SMIM7: variants seen among roughly 807,000 people sequenced by gnomAD.
SMIM7 encodes the protein small integral membrane protein 7.
In SMIM7, 12 loss-of-function variants were observed where a neutral mutation model predicts 13.3. That is an observed-to-expected ratio of 0.90 (90% CI 0.58 to 1.46). The LOEUF (loss-of-function observed/expected upper bound fraction) is 1.46. Among genes scored for constraint, SMIM7 ranks in the 40% most tolerant of loss-of-function variants. SMIM7 has a pLI of 0.00. For missense variants in SMIM7, 114 were observed against 94.8 expected (o/e 1.20, Z -0.84); for synonymous variants, 36 against 35.8 (o/e 1.01, Z -0.02).
exon 5 of SMIM7, chr19:16,630,828 T>C (rs1002876914): frequency 2.0e-5 from 3 of 152,248 alleles, no homozygotes; most frequent in African/African-American, 7.2e-5. Context: ...AGCCTCTGAA[T>C]TGTAGTCTTG....
At chr19:16,635,824 C>T (rs2086354532) in intron 4 of SMIM7, among the ~76,000 whole-genome samples, 1 of 142,468 alleles carries the variant, frequency 7.0e-6, no homozygotes, top group African/African-American at 2.7e-5. Context: ...GGAGAGGTTG[C>T]AATGGGCCCA....
chr19:16,632,153 C>T (rs1432170099), intron 4 of SMIM7, among the ~76,000 whole-genome samples: 2 of 152,164 alleles, frequency 1.3e-5, no homozygotes, highest in Non-Finnish European at 2.9e-5. Context: ...CAGGCATGAG[C>T]CACCACACCC....
intron 4 of SMIM7, among the ~76,000 whole-genome samples, chr19:16,638,298 TTTC>T (rs2086375895): frequency 1.4e-5 from 2 of 144,672 alleles, no homozygotes; most frequent in Non-Finnish European, 1.5e-5. Flanking sequence ...TCTTTTCTTT[TTTC>T]TTTTTTTTTT....
chr19:16,651,669 T>C (rs1361801341), intron 4 of SMIM7, among the ~76,000 whole-genome samples: 1 of 152,084 alleles, frequency 6.6e-6, no homozygotes, highest in Non-Finnish European at 1.5e-5. Context: ...CACTGACTTC[T>C]TCCCTGCCCC....
intron 4 of SMIM7, chr19:16,653,730 C>A (rs1268381301): frequency 5.5e-6 from 2 of 362,998 alleles, no homozygotes; most frequent in Non-Finnish European, 9.9e-6. Context: ...CCCGTCTCTA[C>A]TAAAAATACA....
At chr19:16,635,710 C>T (rs1282062398) in intron 4 of SMIM7, among the ~76,000 whole-genome samples, 1 of 151,484 alleles carries the variant, frequency 6.6e-6, no homozygotes, top group Admixed American at 6.6e-5. Flanking sequence ...GGTGAAATCC[C>T]ATCTCTAAGA....
At chr19:16,633,862 A>T (rs942777211) in intron 4 of SMIM7, 1 of 152,208 alleles carries the variant, frequency 6.6e-6, no homozygotes, top group African/African-American at 2.4e-5. Flanking sequence ...GAATAGAAAA[A>T]ATATTGGAAG....
At chr19:16,644,500 G>A (rs565285000), downstream of SMIM7, among the ~76,000 whole-genome samples, 7 of 150,052 alleles carry the variant, frequency 4.7e-5, no homozygotes, top group Admixed American at 6.7e-5. Context: ...GCACTGGCAC[G>A]ATCTCAGCTC....
chr19:16,639,264 A>G (rs559167193), intron 4 of SMIM7, among the ~76,000 whole-genome samples: 450 of 151,720 alleles, frequency 3.0e-3, no homozygotes, highest in Non-Finnish European at 5.3e-3. Context: ...CTGGGATTAT[A>G]GGCGCCCACC....
At chr19:16,653,042 G>C (rs2086549001) in intron 4 of SMIM7, 2 of 1,469,282 alleles carry the variant, frequency 1.4e-6, no homozygotes, top group Non-Finnish European at 1.8e-6. Context: ...AGGTGGAGCA[G>C]GATCTGGCAG....
At chr19:16,657,797 G>A (rs1331789969) in intron 3 of SMIM7, among the ~76,000 whole-genome samples, 1 of 152,206 alleles carries the variant, frequency 6.6e-6, no homozygotes, top group Non-Finnish European at 1.5e-5. Context: ...TTGGGAGGCT[G>A]AGGTGGGAGG....
At chr19:16,652,738 C>T (rs1459286322) in intron 4 of SMIM7, 20 of 1,454,246 alleles carry the variant, frequency 1.4e-5, no homozygotes, top group Non-Finnish European at 1.8e-5. Flanking sequence ...TGGACAGCAA[C>T]CCCACATTCG....
chr19:16,639,418 G>A lies in SMIM7; in HGVS notation c.*137+7678C>T, dbSNP rs144195043. The stretch of plus-strand genomic sequence containing the variant: ...ATTACAGGCGTGAGCCACTGCGCCC[G>A]GTCATAAGATGTCATTTTTAAAAAA... On this transcript the variant is annotated intron_variant and NMD_transcript_variant, in intron 4 of 4. Coordinates refer to the SMIM7 transcript ENST00000465250. 4.8e-3 allele frequency among the ~76,000 whole-genome samples: 728 copies of A among 152,194 alleles called. 11 individuals carry two copies. In the East Asian group the frequency reaches 0.05, roughly 10 times the overall value.
chr19:16,653,997 A>AG, intron 4 of SMIM7, 38 bp downstream of exon 4: 1 of 1,569,738 alleles, frequency 6.4e-7, no homozygotes, highest in South Asian at 1.1e-5. Flanking sequence ...AAGGAGACTA[A>AG]GAGACGACAG....
intron 3 of SMIM7, among the ~76,000 whole-genome samples, chr19:16,657,226 G>A (rs1276561890): frequency 6.6e-6 from 1 of 152,222 alleles, no homozygotes; most frequent in African/African-American, 2.4e-5. Context: ...AGGGGAAGCA[G>A]CAGGTGCAGC....
chr19:16,651,607 C>G (rs1250615683), intron 4 of SMIM7, among the ~76,000 whole-genome samples: 1 of 152,220 alleles, frequency 6.6e-6, no homozygotes, highest in African/African-American at 2.4e-5. Context: ...GCTGGTCAAA[C>G]AGGAGAGGAT....
chr19:16,635,799 G>A (rs945701479), intron 4 of SMIM7, among the ~76,000 whole-genome samples: 5 of 147,872 alleles, frequency 3.4e-5, no homozygotes, highest in Admixed American at 6.8e-5. Flanking sequence ...CAGGAGAGTC[G>A]CTTAAACCTG....
At chr19:16,659,769 T>C (rs2086648489) in intron 2 of SMIM7, 190 bp downstream of exon 2, 1 of 725,402 alleles carries the variant, frequency 1.4e-6, no homozygotes, top group Admixed American at 2.5e-5. Context: ...GAACGGAGAG[T>C]ATGGGTTTAA....
intron 4 of SMIM7, among the ~76,000 whole-genome samples, chr19:16,648,374 C>T (rs1327451177): frequency 6.6e-6 from 1 of 152,114 alleles, no homozygotes; most frequent in Non-Finnish European, 1.5e-5. Flanking sequence ...CTCCTGACCT[C>T]AAGTGATCCA....
Sources: gnomAD v4.1 joint callset for allele counts (sites outside exome capture counted in the v4.1 genomes callset) on GRCh38, gnomAD v4.1.1 for gene constraint, MANE v1.5 for transcripts, NCBI Gene and HGNC (gene_info 2026-07-23, HGNC 2026-07-21) for gene names.